The following PIKFYVE variants were observed in gnomAD, a reference collection of about 807,000 sequenced individuals.
The protein encoded by PIKFYVE is 1-phosphatidylinositol 3-phosphate 5-kinase.
A neutral mutation model predicts 257.9 loss-of-function variants in PIKFYVE; 122 were observed. The ratio of observed to expected loss-of-function variants is 0.47; its 90% CI spans 0.41 to 0.55. The LOEUF is 0.55. PIKFYVE is among the 20% of genes least tolerant of loss of function. The probability of loss-of-function intolerance (pLI) is 0.00; values close to 1 mark genes in which losing one functional copy is unlikely to be tolerated. For synonymous variants in PIKFYVE, 892 were observed against 868.9 expected, an observed-to-expected ratio of 1.03 and a Z score of -0.47; for missense variants, 2,160 against 2,536.6, an observed-to-expected ratio of 0.85 and a Z score of 3.19.
chr2:208,349,969 A>G, intron 35 of PIKFYVE, 55 bp from the exon 36 acceptor site: 3 of 1,603,232 alleles, frequency 1.9e-6, no homozygotes, highest in Non-Finnish European at 2.6e-6. Context: ...AAAGGACAAA[A>G]TGAACTGATA....
chr2:208,276,834 C>T lies in PIKFYVE; in HGVS notation c.441+4C>T. 2.5e-6 allele frequency: 4 copies of T among 1,604,564 alleles called. No homozygotes were observed. Among genetic ancestry groups the T allele is most frequent in the Non-Finnish European group, 3.4e-6 (4 of 1,171,380 alleles). On this transcript the variant is annotated splice_donor_region_variant and intron_variant, in intron 4 of 41. Coordinates refer to ENST00000264380, the MANE Select transcript of PIKFYVE (RefSeq NM_015040.4). ...AATCATGGAGGGGAAAAGCCAGGTA[C>T]TGTCTAGAGGCTTTGGAAGATTACT... is the stretch of plus-strand genomic sequence containing the variant.
At chr2:208,348,063 G>T (rs765892958) in intron 35 of PIKFYVE, 40 bp downstream of exon 35, 4 of 1,603,326 alleles carry the variant, frequency 2.5e-6, no homozygotes, top group East Asian at 4.5e-5. Flanking sequence ...TCTATGCTTT[G>T]ATTTATTTAT....
At chr2:208,320,708 A>G (rs895856507) in intron 17 of PIKFYVE, among the ~76,000 whole-genome samples, 5 of 152,194 alleles carry the variant, frequency 3.3e-5, no homozygotes, top group Admixed American at 6.5e-5. Context: ...TAGAACATCA[A>G]TTAGCTTATA....
intron 28 of PIKFYVE, 57 bp from the exon 29 acceptor site, chr2:208,338,450 AT>A (rs1559154644): frequency 6.4e-7 from 1 of 1,553,796 alleles, no homozygotes; most frequent in Non-Finnish European, 8.9e-7. Flanking sequence ...GGATTAAAAA[AT>A]TTTTTGAATG....
intron 18 of PIKFYVE, among the ~76,000 whole-genome samples, chr2:208,324,497 A>C (rs963110077): frequency 3.3e-5 from 5 of 152,194 alleles, no homozygotes; most frequent in African/African-American, 1.2e-4. Flanking sequence ...ATTGGTGTCT[A>C]CAAGACCAAA....
At chr2:208,298,259 A>G (rs1693232080) in intron 7 of PIKFYVE, among the ~76,000 whole-genome samples, 1 of 152,180 alleles carries the variant, frequency 6.6e-6, no homozygotes, top group African/African-American at 2.4e-5. Flanking sequence ...TAAAAAAAAA[A>G]TCCACTAACT....
chr2:208,309,947 G>A (rs578031117), intron 12 of PIKFYVE, among the ~76,000 whole-genome samples: 2 of 152,302 alleles, frequency 1.3e-5, no homozygotes, highest in South Asian at 2.1e-4. Flanking sequence ...TCCAGCATTA[G>A]GAAGAAGATA....
chr2:208,336,113 A>T lies in PIKFYVE; in HGVS notation c.4433A>T (p.Asp1478Val). The change falls in exon 27 of 42, where the codon GAT (aspartate) becomes GTT (valine). Residue 1478 changes from aspartate to valine, a missense_variant. This residue lies in a region of PIKFYVE where 699 missense variants were observed against 855.8 expected (regional missense o/e 0.82). Transcript: ENST00000264380. ...GCAAGGCTCATGTCTTCCTCTGTAG[A>T]TACCCCTCAGCAACTGCAGTCGGTC... Reference protein sequence around the residue: ...MQARLMSSSVDTPQQLQSVFE... With the variant: ...MQARLMSSSVVTPQQLQSVFE... The T allele has an allele frequency of 6.2e-7, 1 of 1,614,068 alleles. No individual in the cohort carries two copies. Among genetic ancestry groups the T allele is most frequent in the Non-Finnish European group, 8.5e-7 (1 of 1,179,964 alleles).
In PIKFYVE at chr2:208,345,211, T is replaced by TAG; in HGVS notation, c.5111+19_5111+20dup. ...AACAAATAGGTGATTCATGATTGAG[T>TAG]AGAAACTATTTTAATTTAGTTATGT... On this transcript the variant is annotated intron_variant, in intron 33 of 41. Transcript: ENST00000264380. 1 of 1,562,226 alleles carries TAG rather than the reference T, an allele frequency of 6.4e-7. No homozygotes were observed. The highest frequency in any genetic ancestry group is 8.8e-7 in the Non-Finnish European group (1 of 1,133,246).
chr2:208,337,019 C>T (rs1698205059), intron 28 of PIKFYVE, 91 bp downstream of exon 28: 2 of 911,678 alleles, frequency 2.2e-6, no homozygotes, highest in Admixed American at 2.0e-5. Context: ...TTAATATGTA[C>T]TTTAGTAATG....
In PIKFYVE at chr2:208,277,471, T is replaced by C. The variant is rs575064408; in HGVS notation, c.442-66T>C. The C allele has an allele frequency of 8.1e-5, 126 of 1,547,396 alleles. No homozygotes were observed. In the African/African-American group the frequency reaches 1.6e-3, roughly 20 times the overall value. ...TCTGCAAAAGAAACCTTTGAGGATT[T>C]CATTTGCCATTGCATATTAATAATC... On this transcript the variant is annotated intron_variant, in intron 4 of 41. Coordinates refer to ENST00000264380, the MANE Select transcript of PIKFYVE (RefSeq NM_015040.4).
intron 7 of PIKFYVE, among the ~76,000 whole-genome samples, chr2:208,293,999 A>G (rs964121083): frequency 5.2e-4 from 79 of 152,222 alleles, no homozygotes; most frequent in Middle Eastern, 3.4e-3. Flanking sequence ...TTATGGCTTC[A>G]AATATTGCTT....
chr2:208,351,248 T>TA (rs1288394011), intron 37 of PIKFYVE, 104 bp from the exon 38 acceptor site: 1 of 1,054,172 alleles, frequency 9.5e-7, no homozygotes. Flanking sequence ...AAATTCCCCT[T>TA]AAAATCATAA....
In PIKFYVE at chr2:208,273,604, G is replaced by A. The variant is rs1348814889; in HGVS notation, c.193G>A (p.Gly65Arg). 6.2e-7 allele frequency: 1 copy of A among 1,614,162 alleles called. No homozygotes were observed. The highest frequency in any genetic ancestry group is 1.7e-5 in the Admixed American group (1 of 60,024). The change falls in exon 3 of 42, where the codon GGA becomes AGA. Residue 65 changes from glycine (G) to arginine (R), a missense_variant. Gly to Arg is a moderately radical substitution (Grantham distance 125). This residue lies in a region of PIKFYVE where 172 missense variants were observed against 180.6 expected (regional missense o/e 0.95). Transcript: ENST00000264380. ...TACAGAGAGAGCAGAAGGAGGCCAG[G>A]GAGAACAGCAGCCTTTGAGTGGAAG... ...FNKERAEGGQ[G>R]EQQPLSGSWT...
chr2:208,308,188 T>G (rs1694555794), intron 12 of PIKFYVE, among the ~76,000 whole-genome samples: 1 of 151,962 alleles, frequency 6.6e-6, no homozygotes, highest in Admixed American at 6.6e-5. Flanking sequence ...TGCTTGAGTC[T>G]AGGAGTTCAA....
In PIKFYVE at chr2:208,350,845, A is replaced by G. The variant is rs750958305; in HGVS notation, c.5509A>G (p.Ile1837Val). The G allele has an allele frequency of 6.2e-6, 10 of 1,614,178 alleles. No homozygotes were observed. Among genetic ancestry groups the G allele is most frequent in the Non-Finnish European group, 8.5e-6 (10 of 1,180,040 alleles). The change falls in exon 37 of 42, where the codon ATT (isoleucine) becomes GTT (valine). Residue 1837 changes from isoleucine (I) to valine (V), a missense_variant. Physicochemically the swap from Ile to Val is conservative, Grantham distance 29. This residue lies in a region of PIKFYVE where 699 missense variants were observed against 855.8 expected (regional missense o/e 0.82). Transcript: ENST00000264380. ...AGEFHKMREV[I>V]LDSSEEDFIR... ...AGAGTTTCATAAGATGCGTGAAGTG[A>G]TTCTGGACAGCAGTGAAGAAGATTT...
chr2:208,296,134 G>A (rs548598089), intron 7 of PIKFYVE, among the ~76,000 whole-genome samples: 1 of 151,982 alleles, frequency 6.6e-6, no homozygotes, highest in East Asian at 1.9e-4. Flanking sequence ...TCTCCCGCTA[G>A]CCTGGGATTA....
chr2:208,353,919 C>T lies in PIKFYVE; in HGVS notation c.5866C>T (p.Leu1956Phe). 6.2e-7 allele frequency: 1 copy of T among 1,613,856 alleles called. No homozygotes were observed. The highest frequency in any genetic ancestry group is 1.3e-5 in the African/African-American group (1 of 75,016). Residue 1956 changes from leucine to phenylalanine, a missense_variant, in exon 40 of 42, where the codon CTT becomes TTT. Transcript: ENST00000264380. Reference protein sequence around the residue: ...MAQVFDLKGSLRNRNVKTDTG... With the variant: ...MAQVFDLKGSFRNRNVKTDTG... ...CTAGGTTTTTGATTTGAAGGGCTCT[C>T]TTAGGAATCGGAATGTAAAAACTGA... is the stretch of plus-strand genomic sequence containing the variant.
intron 8 of PIKFYVE, among the ~76,000 whole-genome samples, chr2:208,299,998 G>T (rs1693485145): frequency 6.6e-6 from 1 of 152,084 alleles, no homozygotes; most frequent in African/African-American, 2.4e-5. Context: ...CTGCACTCCA[G>T]CCTGGGCAAC....
Sources: allele counts gnomAD v4.1 joint callset (sites outside exome capture counted in the v4.1 genomes callset), GRCh38; gene constraint gnomAD v4.1.1; regional missense constraint gnomAD v4.1.1; transcripts MANE v1.5; gene names NCBI Gene and HGNC (gene_info 2026-07-23, HGNC 2026-07-21).